Variants in CNTLN observed in about 807,000 individuals in gnomAD.
CNTLN encodes the protein centlein.
A neutral mutation model predicts 180.0 loss-of-function variants in CNTLN; 212 were observed. The ratio of observed to expected loss-of-function variants is 1.18; its 90% CI spans 1.05 to 1.32. The LOEUF (loss-of-function observed/expected upper bound fraction) is 1.32. CNTLN is among the 40% of genes most tolerant of loss of function. CNTLN has a pLI of 0.00. For synonymous variants in CNTLN, 722 were observed against 563.1 expected (o/e 1.28, Z -3.99); for missense variants, 2,095 against 1,610.9 (o/e 1.30, Z -5.14).
intron 18 of CNTLN, among the ~76,000 whole-genome samples, chr9:17,450,029 A>G (rs1333708503): frequency 6.6e-6 from 1 of 152,248 alleles, no homozygotes; most frequent in Non-Finnish European, 1.5e-5. Flanking sequence ...AACTTGTGTT[A>G]CAAAGTATAA....
chr9:17,145,384 C>T (rs1234508309), intron 2 of CNTLN, among the ~76,000 whole-genome samples: 1 of 152,054 alleles, frequency 6.6e-6, no homozygotes, highest in African/African-American at 2.4e-5. Context: ...ATGTTCACAT[C>T]CATTGAGAAG....
intron 2 of CNTLN, among the ~76,000 whole-genome samples, chr9:17,146,043 A>G (rs1017249658): frequency 3.9e-5 from 6 of 152,166 alleles, no homozygotes; most frequent in Non-Finnish European, 7.4e-5. Flanking sequence ...TTCTTCCTAG[A>G]TAACTTGCTT....
At chr9:17,327,040 A>G (rs549389579) in intron 8 of CNTLN, among the ~76,000 whole-genome samples, 27 of 152,290 alleles carry the variant, frequency 1.8e-4, no homozygotes, top group African/African-American at 6.3e-4. Flanking sequence ...CAAATGTACC[A>G]TACTAATTTA....
At chr9:17,457,113 A>G (rs1831171225) in intron 18 of CNTLN, among the ~76,000 whole-genome samples, 1 of 152,132 alleles carries the variant, frequency 6.6e-6, no homozygotes, top group Non-Finnish European at 1.5e-5. Context: ...TAGGATGGTA[A>G]GACCTACCCA....
chr9:17,428,984 C>G (rs1462269801), intron 18 of CNTLN, among the ~76,000 whole-genome samples: 3 of 151,786 alleles, frequency 2.0e-5, no homozygotes, highest in Non-Finnish European at 4.4e-5. Context: ...CAGTTAGTGT[C>G]TATTATCGTG....
chr9:17,440,280 A>G (rs2780199), intron 18 of CNTLN, among the ~76,000 whole-genome samples: 66,171 of 151,796 alleles, frequency 0.44, 16,500 homozygotes, highest in Non-Finnish European at 0.55. Flanking sequence ...CATTTAAGAG[A>G]ACTGAAAACA....
intron 18 of CNTLN, among the ~76,000 whole-genome samples, chr9:17,435,011 A>G (rs1269441382): frequency 1.3e-5 from 2 of 152,210 alleles, no homozygotes; most frequent in Admixed American, 1.3e-4. Context: ...TTGGCTTTTA[A>G]AAGTAGTCCA....
chr9:17,248,062 G>A (rs1025770723), intron 5 of CNTLN, among the ~76,000 whole-genome samples: 2 of 152,102 alleles, frequency 1.3e-5, no homozygotes, highest in African/African-American at 2.4e-5. Flanking sequence ...AGCTCAAAGC[G>A]ATTCACCTAC....
intron 2 of CNTLN, among the ~76,000 whole-genome samples, chr9:17,192,888 TG>T (rs1821878967): frequency 6.6e-6 from 1 of 152,116 alleles, no homozygotes; most frequent in Non-Finnish European, 1.5e-5. Flanking sequence ...TACCTGAGAC[TG>T]GGAAGAAAAA....
intron 6 of CNTLN, among the ~76,000 whole-genome samples, chr9:17,289,182 G>T (rs1371819672): frequency 8.7e-6 from 1 of 115,222 alleles, no homozygotes; most frequent in East Asian, 2.4e-4. Context: ...CTTCCTTCAG[G>T]AGCTCTTTTA....
chr9:17,384,632 G>A (rs1045391600), intron 13 of CNTLN, among the ~76,000 whole-genome samples: 1 of 152,144 alleles, frequency 6.6e-6, no homozygotes, highest in Non-Finnish European at 1.5e-5. Context: ...ACTTCTCGGA[G>A]GAGATGGGTT....
intron 5 of CNTLN, among the ~76,000 whole-genome samples, chr9:17,263,474 GC>G (rs1207993754): frequency 6.6e-6 from 1 of 151,162 alleles, no homozygotes; most frequent in Non-Finnish European, 1.5e-5. Context: ...CCAAGTCTTT[GC>G]TATTGTGAAT....
At chr9:17,382,714 T>C (rs998388769) in intron 13 of CNTLN, among the ~76,000 whole-genome samples, 4 of 152,198 alleles carry the variant, frequency 2.6e-5, no homozygotes, top group Non-Finnish European at 5.9e-5. Flanking sequence ...CTACTTACAA[T>C]TGCTATCCAA....
intron 8 of CNTLN, among the ~76,000 whole-genome samples, chr9:17,322,418 A>G (rs1019124982): frequency 3.3e-5 from 5 of 152,056 alleles, no homozygotes; most frequent in African/African-American, 1.2e-4. Context: ...AAAATAAACC[A>G]TTTCTGCTAT....
intron 8 of CNTLN, among the ~76,000 whole-genome samples, chr9:17,318,121 A>G (rs1408914439): frequency 6.7e-6 from 1 of 149,258 alleles, no homozygotes; most frequent in Non-Finnish European, 1.5e-5. Context: ...TCCGCCTCCC[A>G]GGTTCACGCT....
chr9:17,189,144 G>A (rs1339902309), intron 2 of CNTLN, among the ~76,000 whole-genome samples: 1 of 140,294 alleles, frequency 7.1e-6, no homozygotes, highest in African/African-American at 2.7e-5. Flanking sequence ...GTGCAGTGGC[G>A]TGATCTCGGC....
intron 7 of CNTLN, 121 bp downstream of exon 7, chr9:17,298,473 T>G (rs1041549418): frequency 7.5e-7 from 1 of 1,339,504 alleles, no homozygotes; most frequent in Non-Finnish European, 9.6e-7. Context: ...ATGTGTTTCC[T>G]CAAAATTTAG....
At chr9:17,295,997 A>AGTGT (rs66515360) in intron 6 of CNTLN, among the ~76,000 whole-genome samples, 425 of 91,326 alleles carry the variant, frequency 4.7e-3, no homozygotes, top group South Asian at 0.015. Context: ...AGAGAGAGAG[A>AGTGT]GTGTGTGTGT....
Position 17,309,919 on chromosome 9 carries a change from A to G in CNTLN, c.1341+667A>G, listed in dbSNP as rs1331949120. On this transcript the variant is annotated intron_variant, in intron 8 of 25. Transcript: ENST00000380647. ...AGCTTTTCTTTAAATTTTATAATGT[A>G]TTAATTCAGTAATGGATTGTAATTT... is the stretch of plus-strand genomic sequence containing the variant. Among the ~76,000 whole-genome samples the G allele has an allele frequency of 3.3e-5, 5 of 152,072 alleles. No individual in the cohort carries two copies. In the South Asian group the frequency reaches 1.0e-3, roughly 32 times the overall value.
Sources: gnomAD v4.1 joint callset for allele counts (sites outside exome capture counted in the v4.1 genomes callset) on GRCh38, gnomAD v4.1.1 for gene constraint, MANE v1.5 for transcripts, NCBI Gene and HGNC (gene_info 2026-07-23, HGNC 2026-07-21) for gene names.